CBLB: variants seen among roughly 807,000 people sequenced by gnomAD.
CBLB encodes the protein E3 ubiquitin-protein ligase CBL-B.
A neutral mutation model predicts 104.9 loss-of-function variants in CBLB; 31 were observed. That is an observed-to-expected ratio of 0.30 (90% CI 0.22 to 0.40). The LOEUF (loss-of-function observed/expected upper bound fraction) is 0.40, where lower values mean the gene tolerates loss of function less well. CBLB is among the 10% of genes least tolerant of loss of function. The pLI is 1.00. For synonymous variants in CBLB, 440 were observed against 422.6 expected, an observed-to-expected ratio of 1.04 and a Z score of -0.51; for missense variants, 1,062 against 1,214.6, an observed-to-expected ratio of 0.87 and a Z score of 1.87.
chr3:105,867,270 GT>G, intron 2 of CBLB, 139 bp downstream of exon 2: 1 of 936,060 alleles, frequency 1.1e-6, no homozygotes, highest in East Asian at 2.4e-5. Flanking sequence ...AAAACACAGA[GT>G]TGAAGAAAAA....
chr3:105,776,332 T>G (rs199619381), intron 4 of CBLB, 64 bp downstream of exon 4: 1 of 1,071,104 alleles, frequency 9.3e-7, no homozygotes, highest in Non-Finnish European at 1.3e-6. Context: ...CATATCCAAC[T>G]GGAGGGAGGA....
chr3:105,827,083 T>C (rs1158416273), intron 3 of CBLB, among the ~76,000 whole-genome samples: 1 of 152,194 alleles, frequency 6.6e-6, no homozygotes, highest in Non-Finnish European at 1.5e-5. Context: ...TAATATAATA[T>C]GGCGCTCCTT....
chr3:105,674,837 C>T lies in CBLB; in HGVS notation c.2569+3594G>A, dbSNP rs79097260. On this transcript the variant is annotated intron_variant, in intron 17 of 18. Coordinates refer to ENST00000394030, the MANE Select transcript of CBLB (RefSeq NM_170662.5). ...ATGTACAGCTGTAGGCATTACTATTCTGCCAAAAGAAATCTTACATGAAGG... is the reference window on the plus strand; with the variant it reads ...ATGTACAGCTGTAGGCATTACTATTTTGCCAAAAGAAATCTTACATGAAGG... Among the ~76,000 whole-genome samples the T allele has an allele frequency of 6.1e-3, 924 of 152,254 alleles. 28 individuals carry two copies. Among genetic ancestry groups the T allele is most frequent in the East Asian group, 0.05 (261 of 5,170 alleles).
intron 9 of CBLB, among the ~76,000 whole-genome samples, chr3:105,723,822 C>T (rs2073223848): frequency 6.6e-6 from 1 of 151,978 alleles, no homozygotes; most frequent in African/African-American, 2.4e-5. Flanking sequence ...AAATTATTTG[C>T]TCTCAGCATG....
At chr3:105,793,204 T>A (rs547106155) in intron 3 of CBLB, among the ~76,000 whole-genome samples, 46 of 152,024 alleles carry the variant, frequency 3.0e-4, no homozygotes, top group Admixed American at 2.6e-3. Context: ...AGAGAGTGAT[T>A]TGAAAGGAGC....
chr3:105,811,950 A>G (rs1478930197), intron 3 of CBLB, among the ~76,000 whole-genome samples: 1 of 151,916 alleles, frequency 6.6e-6, no homozygotes, highest in African/African-American at 2.4e-5. Flanking sequence ...GTGATCTGCC[A>G]CCTTGCCCTC....
chr3:105,718,722 C>T (rs1293547370), intron 10 of CBLB, among the ~76,000 whole-genome samples: 3 of 152,104 alleles, frequency 2.0e-5, no homozygotes, highest in African/African-American at 7.2e-5. Flanking sequence ...CTGAACTCAG[C>T]GGCGGTAAGT....
rs895823218 is a variant in CBLB, at chr3:105,656,295, T to C, written c.*2675A>G. 9.6e-6 allele frequency: 2 copies of C among 207,460 alleles called. No individual in the cohort carries two copies. Among genetic ancestry groups the C allele is most frequent in the African/African-American group, 4.6e-5 (2 of 43,908 alleles). The allele number at this position is 207,460 out of a possible 1,614,324, so 12.9% of individuals were successfully genotyped here. On this transcript the variant is annotated 3_prime_UTR_variant, in exon 19 of 19. Transcript: ENST00000394030. ...TATGAAATGCTGACTTAAAAAAAAA[T>C]TGTTACCAAATCTTGAGAAATGGAA...
chr3:105,701,738 G>A (rs574053817), intron 12 of CBLB, among the ~76,000 whole-genome samples: 2 of 150,618 alleles, frequency 1.3e-5, no homozygotes, highest in Admixed American at 6.7e-5. Flanking sequence ...ACTCCAGCCT[G>A]GGGGGCAAGA....
intron 17 of CBLB, chr3:105,671,617 TGTAA>T (rs1374639395): frequency 5.8e-5 from 12 of 206,556 alleles, no homozygotes; most frequent in Middle Eastern, 3.2e-3. Context: ...ATTAATAATA[TGTAA>T]GTATTTGATT....
chr3:105,763,540 G>A (rs567788177), intron 4 of CBLB, among the ~76,000 whole-genome samples: 65 of 152,286 alleles, frequency 4.3e-4, no homozygotes, highest in African/African-American at 1.5e-3. Flanking sequence ...CTGCTGCCAC[G>A]TAAGAAGTGC....
At chr3:105,704,220 A>G in intron 10 of CBLB, 47 bp from the exon 11 acceptor site, 1 of 1,552,858 alleles carries the variant, frequency 6.4e-7, no homozygotes, top group Admixed American at 1.7e-5. Context: ...AGCTGTGCAG[A>G]GTGTTCTCTG....
chr3:105,665,965 G>A (rs1014596388), intron 18 of CBLB, among the ~76,000 whole-genome samples: 6 of 151,528 alleles, frequency 4.0e-5, no homozygotes, highest in Admixed American at 3.3e-4. Context: ...GGTGGAGGTT[G>A]CAGTGAGCCA....
intron 10 of CBLB, among the ~76,000 whole-genome samples, chr3:105,704,542 A>C (rs1465863086): frequency 6.6e-6 from 1 of 152,156 alleles, no homozygotes; most frequent in Non-Finnish European, 1.5e-5. Flanking sequence ...CTATATTATA[A>C]ATTTTTTTGC....
At chr3:105,792,843 A>C (rs1018080236) in intron 3 of CBLB, among the ~76,000 whole-genome samples, 1 of 152,088 alleles carries the variant, frequency 6.6e-6, no homozygotes, top group African/African-American at 2.4e-5. Flanking sequence ...CCTAAATGCA[A>C]ACAATCCATC....
At position 105,722,554 on chromosome 3, in the gene CBLB, C is replaced by A. The variant is rs1036506777; in HGVS notation, c.1204-2304G>T. Among the ~76,000 whole-genome samples, 4 of 66,026 alleles carry A rather than the reference C, an allele frequency of 6.1e-5. No homozygotes were observed. The East Asian group carries it at 1.4e-3, about 24-fold the overall frequency. The allele number at this position is 66,026 out of a possible 152,430, so 43.3% of individuals were successfully genotyped here. ...TAGTATCATAACTAAAAACCAAGAA[C>A]CTTTTAAAGACCTAATCGTAACTAA... is the stretch of plus-strand genomic sequence containing the variant. On this transcript the variant is annotated intron_variant, in intron 9 of 18. Transcript: ENST00000394030.
chr3:105,839,845 A>G (rs1255051362), intron 3 of CBLB, among the ~76,000 whole-genome samples: 1 of 152,250 alleles, frequency 6.6e-6, no homozygotes, highest in African/African-American at 2.4e-5. Flanking sequence ...GCTTTATCAA[A>G]AAGTATTTTT....
chr3:105,685,576 T>C (rs1400787466), intron 13 of CBLB, 110 bp from the exon 14 acceptor site: 1 of 845,928 alleles, frequency 1.2e-6, no homozygotes, highest in East Asian at 2.6e-5. Flanking sequence ...ATGTTCATTT[T>C]TCAATTACAG....
chr3:105,758,727 G>A (rs1199994554), intron 4 of CBLB, among the ~76,000 whole-genome samples: 1 of 152,262 alleles, frequency 6.6e-6, no homozygotes, highest in Non-Finnish European at 1.5e-5. Flanking sequence ...ACAGGCACCG[G>A]CTCTGGGCAA....
Sources: allele counts gnomAD v4.1 joint callset (sites outside exome capture counted in the v4.1 genomes callset), GRCh38; gene constraint gnomAD v4.1.1; transcripts MANE v1.5; gene names NCBI Gene and HGNC (gene_info 2026-07-23, HGNC 2026-07-21).